The following CD163 variants were observed in gnomAD, a reference collection of about 807,000 sequenced individuals.
CD163 encodes scavenger receptor cysteine-rich type 1 protein M130.
CD163 carries 64 observed loss-of-function variants against 129.2 expected under a neutral mutation model. That is an observed-to-expected ratio of 0.50 (90% CI 0.41 to 0.61). CD163 has a LOEUF of 0.61. Among genes scored for constraint, CD163 ranks in the 20% least tolerant of loss-of-function variants. CD163 has a pLI of 0.00. For missense variants in CD163, 1,061 were observed against 1,377.9 expected (o/e 0.77, Z 3.64); for synonymous variants, 446 against 478.5 (o/e 0.93, Z 0.89).
Position 7,488,053 on chromosome 12 carries a change from A to G in CD163, c.1455T>C (p.Ile485=), listed in dbSNP as rs1429868003. The G allele has an allele frequency of 6.2e-7, 1 of 1,613,850 alleles. No individual in the cohort carries two copies. Among genetic ancestry groups the G allele is most frequent in the Non-Finnish European group, 8.5e-7 (1 of 1,179,866 alleles). ...TCACTTCAACACGTCCAGAACAGGG[A>G]ATGTCCCCTCCAACCAGTCTGGGTT... ...HREPRLVGGD[I]PCSGRVEVKH... The change falls in exon 7 of 17, where the codon ATT becomes ATC. Residue 485 remains isoleucine (I), a synonymous_variant. Coordinates refer to ENST00000432237, the MANE Select transcript of CD163 (RefSeq NM_203416.4).
intron 11 of CD163, among the ~76,000 whole-genome samples, chr12:7,484,661 C>A (rs185765268): frequency 8.7e-6 from 1 of 115,516 alleles, no homozygotes; most frequent in Admixed American, 8.8e-5. Context: ...AAAAAAAAAC[C>A]TGTAGAATGT....
Position 7,487,345 on chromosome 12 carries a change from C to T in CD163, c.2050+14G>A, listed in dbSNP as rs369519795. 6 of 1,549,196 alleles carry T rather than the reference C, an allele frequency of 3.9e-6. No individual in the cohort carries two copies. Among genetic ancestry groups the T allele is most frequent in the Non-Finnish European group, 5.2e-6 (6 of 1,150,952 alleles). ...CTCTTAAGACCCATCACTGGCTGCC[C>T]GTCATCCTCTTACCTGAGCAGATTA... On this transcript the variant is annotated intron_variant, in intron 8 of 16. Coordinates refer to ENST00000432237, the MANE Select transcript of CD163 (RefSeq NM_203416.4). The surrounding 1 kb of genome is among the most constrained non-coding windows in gnomAD (Gnocchi z 5.1).
rs774100363 is a variant in CD163 at position 7,487,065 on chromosome 12, A to C, written c.2051-79T>G. On this transcript the variant is annotated intron_variant, in intron 8 of 16. Transcript: ENST00000432237. The surrounding 1 kb of genome is among the most constrained non-coding windows in gnomAD (Gnocchi z 5.1). ...GATGAAATGTTATATGGATGAGTTG[A>C]GGACAAACATAGCTTAGAGAGAGAG... The C allele has an allele frequency of 9.0e-7, 1 of 1,114,314 alleles. No individual in the cohort carries two copies. Among genetic ancestry groups the C allele is most frequent in the Non-Finnish European group, 1.3e-6 (1 of 746,026 alleles). The allele number at this position is 1,114,314 out of a possible 1,614,324, so 69.0% of individuals were successfully genotyped here.
intron 10 of CD163, 114 bp downstream of exon 10, chr12:7,486,385 A>G (rs1949248477): frequency 1.2e-5 from 12 of 1,029,610 alleles, no homozygotes; most frequent in Non-Finnish European, 1.7e-5. Flanking sequence ...GACTCCCACA[A>G]TAGTTCCTTT....
chr12:7,483,724 C>G (rs1260560861), intron 11 of CD163, 49 bp from the exon 12 acceptor site: 2 of 1,343,624 alleles, frequency 1.5e-6, no homozygotes, highest in Non-Finnish European at 1.0e-6. Flanking sequence ...CTAAAAGTTT[C>G]CAGGAGTTCA....
At chr12:7,479,287 G>A (rs6488336) in intron 16 of CD163, among the ~76,000 whole-genome samples, 125,391 of 152,070 alleles carry the variant, frequency 0.82, 52,244 homozygotes, top group Non-Finnish European at 0.89. Flanking sequence ...TGCTCACGGT[G>A]CCACTTGTTA....
intron 6 of CD163, among the ~76,000 whole-genome samples, chr12:7,493,181 A>G (rs7965049): frequency 0.59 from 90,209 of 152,072 alleles, 31,390 homozygotes; most frequent in Non-Finnish European, 0.77. Context: ...ATATTAGCAG[A>G]AAGTGGGTTG....
In CD163 at chr12:7,485,176, T is replaced by G. The variant is rs772532269; in HGVS notation, c.2699A>C (p.Asp900Ala). 6.1e-5 allele frequency: 98 copies of G among 1,614,072 alleles called. No homozygotes were observed. The highest frequency in any genetic ancestry group is 8.1e-5 in the Non-Finnish European group (96 of 1,180,006). Residue 900 changes from aspartate to alanine, a missense_variant, in exon 11 of 17, where the codon GAC becomes GCC. Transcript: ENST00000432237. This position sits in a 1 kb window ranked among gnomAD's most constrained non-coding sequence, Gnocchi z 4.5. ...AGATGATGGGCACTGCCACAGCGTG[T>G]CAGGTCCTTTTGGACACTGAACATT... The part of the protein sequence containing the change: ...VDNVQCPKGP[D>A]TLWQCPSSPW...
chr12:7,501,153 C>T lies in CD163; in HGVS notation c.443G>A (p.Gly148Glu). The part of the protein sequence containing the change: ...HSNCTHQQDA[G>E]VTCSDGSNLE... ...GCAAGTCTTACCTGAGCAGGTCACT[C>T]CAGCATCTTGTTGGTGAGTACAGTT... The change falls in exon 3 of 17, where the codon GGA becomes GAA. Residue 148 changes from glycine to glutamate, a missense_variant. Physicochemically the swap from Gly to Glu is moderately conservative, Grantham distance 98 (BLOSUM62 -2). Coordinates refer to ENST00000432237, the MANE Select transcript of CD163 (RefSeq NM_203416.4). 1 of 1,614,132 alleles carries T rather than the reference C, an allele frequency of 6.2e-7. No homozygotes were observed.
rs1949242610 is a variant in CD163, at chr12:7,485,972, T to C, written c.2458+527A>G. On this transcript the variant is annotated intron_variant, in intron 10 of 16. Transcript: ENST00000432237. The surrounding 1 kb of genome is among the most constrained non-coding windows in gnomAD (Gnocchi z 4.5). ...TAATACATATGAAATAGTACATTTT[T>C]AAATTTCAGAATGTTTTCTAAAACT... Among the ~76,000 whole-genome samples the C allele has an allele frequency of 1.3e-5, 2 of 152,228 alleles. No individual in the cohort carries two copies. The highest frequency in any genetic ancestry group is 4.1e-4 in the South Asian group (2 of 4,830).
In CD163 at chr12:7,470,852, G is replaced by C. The variant is rs932467870; in HGVS notation, c.*577C>G. 1.3e-5 allele frequency: 2 copies of C among 152,134 alleles called. No homozygotes were observed. Among genetic ancestry groups the C allele is most frequent in the Non-Finnish European group, 2.9e-5 (2 of 68,012 alleles). 9.4% of individuals were successfully genotyped at this position (152,134 alleles called of 1,614,324 possible). ...AGGTGTGGCTCTGCATTTTATTCTA[G>C]TGAACAGAATTACAGTAACAAAAAG... On this transcript the variant is annotated 3_prime_UTR_variant, in exon 17 of 17. Transcript: ENST00000432237.
Position 7,487,285 on chromosome 12 carries a change from G to T in CD163, c.2050+74C>A. ...ATGACCCTTCAAAATGGATCACTGC[G>T]TTTTACTTTTGTTCTTCATCCCTAT... is the stretch of plus-strand genomic sequence containing the variant. On this transcript the variant is annotated intron_variant, in intron 8 of 16. Coordinates refer to ENST00000432237, the MANE Select transcript of CD163 (RefSeq NM_203416.4). The surrounding 1 kb of genome is among the most constrained non-coding windows in gnomAD (Gnocchi z 5.1). 6.9e-7 allele frequency: 1 copy of T among 1,439,160 alleles called. No individual in the cohort carries two copies. Among genetic ancestry groups the T allele is most frequent in the African/African-American group, 1.4e-5 (1 of 70,340 alleles). The allele number at this position is 1,439,160 out of a possible 1,614,324, so 89.1% of individuals were successfully genotyped here.
chr12:7,503,392 C>T (rs1184294748), intron 1 of CD163, among the ~76,000 whole-genome samples: 1 of 152,164 alleles, frequency 6.6e-6, no homozygotes, highest in Non-Finnish European at 1.5e-5. Context: ...ATACTCAGTA[C>T]ATTTCAGTTA....
In CD163 at chr12:7,482,652, G is replaced by A. The variant is rs749974365; in HGVS notation, c.3238C>T (p.Arg1080Trp). 6.2e-6 allele frequency: 10 copies of A among 1,613,894 alleles called. No homozygotes were observed. The highest frequency in any genetic ancestry group is 3.3e-5 in the South Asian group (3 of 91,056). Reference protein sequence around the residue: ...FLTKKRRQRQRLAVSSRGENL... With the variant: ...FLTKKRRQRQWLAVSSRGENL... ...CAAATTTGGCTCAAACCTGCAAGCCGCTGTCTCTGTCTTCGCTTTTTAGTC... is the reference window on the plus strand; with the variant it reads ...CAAATTTGGCTCAAACCTGCAAGCCACTGTCTCTGTCTTCGCTTTTTAGTC... The change falls in exon 14 of 17, where the codon CGG becomes TGG. Residue 1080 changes from arginine to tryptophan, a missense_variant. By Grantham distance (101) the Arg-to-Trp change is moderately radical. Transcript: ENST00000432237.
At position 7,480,092 on chromosome 12, in the gene CD163, G is replaced by C. The variant is rs917760243; in HGVS notation, c.3344-179C>G. ...CAACTAAAAACACCACCCATAACTAGGAAGAAAAGCATGTGTGATTTAAGG... is the reference window on the plus strand; with the variant it reads ...CAACTAAAAACACCACCCATAACTACGAAGAAAAGCATGTGTGATTTAAGG... On this transcript the variant is annotated intron_variant, in intron 15 of 16. Coordinates refer to ENST00000432237, the MANE Select transcript of CD163 (RefSeq NM_203416.4). 3.5e-6 allele frequency: 4 copies of C among 1,131,026 alleles called. No individual in the cohort carries two copies. In the African/African-American group the frequency reaches 6.3e-5, roughly 18 times the overall value. 70.1% of individuals were successfully genotyped at this position (1,131,026 alleles called of 1,614,324 possible).
At chr12:7,477,773 G>A (rs915008104) in intron 16 of CD163, among the ~76,000 whole-genome samples, 5 of 151,954 alleles carry the variant, frequency 3.3e-5, no homozygotes, top group African/African-American at 1.2e-4. Flanking sequence ...AAAAAGAATC[G>A]TCATTTTTTA....
rs777422674 is a variant in CD163, at chr12:7,496,965, A to G, written c.947T>C (p.Ile316Thr). ...QLGCPTAVTA[I>T]GRVNASKGFG... is the part of the protein sequence containing the mutation. ...TCCCTTACTGGCGTTAACTCGACCAATGGCTGTGACGGCAGTTGGACATCC... is the reference window on the plus strand; with the variant it reads ...TCCCTTACTGGCGTTAACTCGACCAGTGGCTGTGACGGCAGTTGGACATCC... Residue 316 changes from isoleucine (I) to threonine (T), a missense_variant, in exon 5 of 17, where the codon ATT becomes ACT. Transcript: ENST00000432237. This position sits in a 1 kb window ranked among gnomAD's most constrained non-coding sequence, Gnocchi z 4.8. The G allele has an allele frequency of 6.2e-7, 1 of 1,614,100 alleles. No individual in the cohort carries two copies. The highest frequency in any genetic ancestry group is 1.1e-5 in the South Asian group (1 of 91,086).
Position 7,495,230 on chromosome 12 carries a change from T to C in CD163, c.1271A>G (p.Tyr424Cys). 6.2e-7 allele frequency: 1 copy of C among 1,614,150 alleles called. No homozygotes were observed. The highest frequency in any genetic ancestry group is 1.3e-5 in the African/African-American group (1 of 75,028). The change falls in exon 6 of 17, where the codon TAT becomes TGT. Residue 424 changes from tyrosine (Y) to cysteine (C), a missense_variant. Coordinates refer to ENST00000432237, the MANE Select transcript of CD163 (RefSeq NM_203416.4). The stretch of plus-strand genomic sequence containing the variant: ...TGCCTGGATTTTGGAGTACACTTGA[T>C]AAGATGTTTTGAGTGCAGATCCACA... ...LGCGSALKTS[Y>C]QVYSKIQATN... is the part of the protein sequence containing the mutation.
At chr12:7,500,176 T>C (rs1208987440) in intron 3 of CD163, among the ~76,000 whole-genome samples, 1 of 151,312 alleles carries the variant, frequency 6.6e-6, no homozygotes, top group Non-Finnish European at 1.5e-5. Flanking sequence ...ATCCCAGGAT[T>C]TTGGGAGGCC....
Sources: gnomAD v4.1 joint callset for allele counts (sites outside exome capture counted in the v4.1 genomes callset) on GRCh38, gnomAD v4.1.1 for gene constraint, Gnocchi (gnomAD v3.1) non-coding constraint, MANE v1.5 for transcripts, NCBI Gene and HGNC (gene_info 2026-07-23, HGNC 2026-07-21) for gene names.